The following SNAPC1 variants were observed in gnomAD, a reference collection of about 807,000 sequenced individuals.
The protein encoded by SNAPC1 is snRNA-activating protein complex subunit 1.
Under a neutral mutation model 50.1 loss-of-function variants are expected in SNAPC1, and 42 were observed. That is an observed-to-expected ratio of 0.84 (90% CI 0.65 to 1.08). The LOEUF is 1.08. SNAPC1 is among the 50% of genes least tolerant of loss of function. The pLI is 0.00. For synonymous variants in SNAPC1, 164 were observed against 144.2 expected (o/e 1.14, Z -0.98); for missense variants, 477 against 427.3 (o/e 1.12, Z -1.02).
chr14:61,783,143 C>T (rs1423260654), intron 8 of SNAPC1, among the ~76,000 whole-genome samples: 3 of 151,242 alleles, frequency 2.0e-5, no homozygotes, highest in African/African-American at 7.3e-5. Context: ...CTGCCTCAGC[C>T]TCCTGAGTAG....
intron 1 of SNAPC1, among the ~76,000 whole-genome samples, chr14:61,762,927 A>G (rs145005342): frequency 6.6e-6 from 1 of 151,650 alleles, no homozygotes; most frequent in Non-Finnish European, 1.5e-5. Context: ...ACACACAAGC[A>G]AAGACAAAAC....
chr14:61,778,353 G>C lies in SNAPC1; in HGVS notation c.762+213G>C, dbSNP rs113218791. Among the ~76,000 whole-genome samples the C allele has an allele frequency of 4.8e-3, 732 of 152,348 alleles. 6 individuals are homozygous for C. The highest frequency in any genetic ancestry group is 0.017 in the African/African-American group (715 of 41,576). On this transcript the variant is annotated intron_variant, in intron 6 of 9. Coordinates refer to ENST00000216294, the MANE Select transcript of SNAPC1 (RefSeq NM_003082.4). ...AATAATTTTCCGCAGGGAAAGGAAA[G>C]CTTGACTATGGAAAGTGCCCTCAGT...
intron 8 of SNAPC1, among the ~76,000 whole-genome samples, chr14:61,785,646 A>G (rs957312126): frequency 6.6e-6 from 1 of 152,220 alleles, no homozygotes; most frequent in Non-Finnish European, 1.5e-5. Context: ...CACATCATCA[A>G]TATGTGTAAG....
At chr14:61,771,452 CAAAT>C (rs1178046383) in intron 4 of SNAPC1, among the ~76,000 whole-genome samples, 1 of 151,998 alleles carries the variant, frequency 6.6e-6, no homozygotes, top group African/African-American at 2.4e-5. Flanking sequence ...ATTCAACAAA[CAAAT>C]GAAGTGTAAC....
intron 4 of SNAPC1, among the ~76,000 whole-genome samples, chr14:61,775,884 G>A (rs1207081239): frequency 1.3e-5 from 2 of 152,122 alleles, no homozygotes. Flanking sequence ...GTTGAGGTAA[G>A]TCAGTAAATC....
At chr14:61,766,114 A>G (rs1164801303) in intron 1 of SNAPC1, among the ~76,000 whole-genome samples, 2 of 152,244 alleles carry the variant, frequency 1.3e-5, no homozygotes, top group South Asian at 4.1e-4. Context: ...ACATTCTTAA[A>G]TATCTGCTAG....
chr14:61,788,067 A>ATGTCT (rs2045127434), intron 8 of SNAPC1, among the ~76,000 whole-genome samples: 2 of 151,798 alleles, frequency 1.3e-5, no homozygotes, highest in African/African-American at 4.8e-5. Flanking sequence ...ATCACCAATC[A>ATGTCT]TAATTAGTTG....
chr14:61,782,272 A>G lies in SNAPC1; in HGVS notation c.851A>G (p.Gln284Arg). Reference protein sequence around the residue: ...IQASKSRRHRQVKLDSSDSDS... With the variant: ...IQASKSRRHRRVKLDSSDSDS... ...GCATCCAAATCAAGAAGGCATCGTC[A>G]AGTCAAACTCGACTCTTCTGACTCT... The change falls in exon 8 of 10, where the codon CAA becomes CGA. Residue 284 changes from glutamine to arginine, a missense_variant. Gln to Arg is a conservative substitution (Grantham distance 43). Coordinates refer to ENST00000216294, the MANE Select transcript of SNAPC1 (RefSeq NM_003082.4). 3.7e-6 allele frequency: 6 copies of G among 1,602,742 alleles called. No individual in the cohort carries two copies. The highest frequency in any genetic ancestry group is 1.8e-5 in the Admixed American group (1 of 56,510).
In SNAPC1 at chr14:61,762,454, G is replaced by A. The variant is rs767651621; in HGVS notation, c.-7G>A. The A allele has an allele frequency of 1.9e-6, 3 of 1,612,202 alleles. No individual in the cohort carries two copies. The highest frequency in any genetic ancestry group is 4.5e-5 in the East Asian group (2 of 44,852). On this transcript the variant is annotated 5_prime_UTR_variant, in exon 1 of 10. Coordinates refer to ENST00000216294, the MANE Select transcript of SNAPC1 (RefSeq NM_003082.4). ...CGGGCTTCGGAGGCGTGCGGGCTTCGGGTGCCATGGGGACTCCTCCCGGCC... is the reference window on the plus strand; with the variant it reads ...CGGGCTTCGGAGGCGTGCGGGCTTCAGGTGCCATGGGGACTCCTCCCGGCC...
At chr14:61,782,194 A>C in intron 7 of SNAPC1, 53 bp from the exon 8 acceptor site, 1 of 1,305,936 alleles carries the variant, frequency 7.7e-7, no homozygotes, top group East Asian at 2.4e-5. Flanking sequence ...TCTCAATTTT[A>C]TCATTTGGAT....
intron 8 of SNAPC1, among the ~76,000 whole-genome samples, chr14:61,792,452 A>G (rs2045159017): frequency 6.6e-6 from 1 of 152,246 alleles, no homozygotes; most frequent in Non-Finnish European, 1.5e-5. Context: ...TTTGTAATTA[A>G]TTTAATAAAG....
At chr14:61,787,732 CTT>C (rs538209947) in intron 8 of SNAPC1, among the ~76,000 whole-genome samples, 49 of 152,314 alleles carry the variant, frequency 3.2e-4, no homozygotes, top group Admixed American at 3.2e-3. Flanking sequence ...GGTTTTCAGT[CTT>C]GTCTACCTAT....
chr14:61,780,885 T>A, intron 7 of SNAPC1, among the ~76,000 whole-genome samples: 1 of 146,246 alleles, frequency 6.8e-6, no homozygotes, highest in Admixed American at 6.7e-5. Flanking sequence ...ATTGAAAATA[T>A]TTGAAAAAAA....
rs71765860 is a variant in SNAPC1, at chr14:61,795,715, GAAAA to G, written c.*740_*743del. 1 of 145,764 alleles carries G rather than the reference GAAAA, an allele frequency of 6.9e-6. No individual in the cohort carries two copies. The highest frequency in any genetic ancestry group is 1.5e-5 in the Non-Finnish European group (1 of 66,050). 9.0% of individuals were successfully genotyped at this position (145,764 alleles called of 1,614,324 possible). A position where few individuals can be genotyped will look rare whatever the true frequency, so the allele number is the denominator to read the frequency against. On this transcript the variant is annotated 3_prime_UTR_variant, in exon 10 of 10. Transcript: ENST00000216294. Reference sequence around the variant, plus strand: ...TGGTACAGAATAGTTGATATTAACAGAAAAAAAAAAATCTGTAGCTTCATGAATA... The same window carrying G: ...TGGTACAGAATAGTTGATATTAACAGAAAAAAATCTGTAGCTTCATGAATA...
intron 4 of SNAPC1, among the ~76,000 whole-genome samples, chr14:61,772,518 T>C (rs2044999444): frequency 6.6e-6 from 1 of 152,208 alleles, no homozygotes; most frequent in Non-Finnish European, 1.5e-5. Flanking sequence ...GCTGGGATTA[T>C]AGGCGTGAAT....
chr14:61,762,567 T>C lies in SNAPC1; in HGVS notation c.107T>C (p.Met36Thr), dbSNP rs74810099. The C allele has an allele frequency of 6.4e-7, 1 of 1,571,650 alleles. No individual in the cohort carries two copies. The highest frequency in any genetic ancestry group is 1.2e-5 in the South Asian group (1 of 85,018). The change falls in exon 1 of 10, where the codon ATG (methionine) becomes ACG (threonine). Residue 36 changes from methionine (M) to threonine (T), a missense_variant. Coordinates refer to ENST00000216294, the MANE Select transcript of SNAPC1 (RefSeq NM_003082.4). ...GACTTCACGGAGCTCTGGAGAAACA[T>C]GAAGTTCGGGACTATCTTCTGGTGG... ...FEDFTELWRN[M>T]KFGTIFCGRM... is the part of the protein sequence containing the mutation.
At chr14:61,784,996 G>A (rs1199250921) in intron 8 of SNAPC1, among the ~76,000 whole-genome samples, 1 of 152,152 alleles carries the variant, frequency 6.6e-6, no homozygotes, top group Non-Finnish European at 1.5e-5. Context: ...AGGGAGGTAA[G>A]GGTGACCACT....
At chr14:61,779,971 A>G (rs986730665) in intron 7 of SNAPC1, among the ~76,000 whole-genome samples, 6 of 152,136 alleles carry the variant, frequency 3.9e-5, no homozygotes, top group African/African-American at 1.4e-4. Context: ...GGCCTCCCAA[A>G]GTGCTGGGAT....
At chr14:61,769,350 C>A (rs565878469) in intron 4 of SNAPC1, among the ~76,000 whole-genome samples, 1 of 148,934 alleles carries the variant, frequency 6.7e-6, no homozygotes, top group South Asian at 2.2e-4. Context: ...AGCAAGATTC[C>A]GTTTTGAAAA....
Sources: allele counts gnomAD v4.1 joint callset (sites outside exome capture counted in the v4.1 genomes callset), GRCh38; gene constraint gnomAD v4.1.1; transcripts MANE v1.5; gene names NCBI Gene and HGNC (gene_info 2026-07-23, HGNC 2026-07-21).